Variants in ANKRD31 observed in about 807,000 individuals in gnomAD.
The protein encoded by ANKRD31 is ankyrin repeat domain 31.
A neutral mutation model predicts 186.0 loss-of-function variants in ANKRD31; 147 were observed. The ratio of observed to expected loss-of-function variants is 0.79; its 90% CI spans 0.69 to 0.91. The LOEUF (loss-of-function observed/expected upper bound fraction) is 0.91. Ranked by LOEUF, ANKRD31 falls within the 40% of genes least tolerant of loss-of-function variation. ANKRD31 has a pLI of 0.00. For synonymous variants in ANKRD31, 673 were observed against 736.4 expected, an observed-to-expected ratio of 0.91 and a Z score of 1.39; for missense variants, 1,986 against 2,148.8, an observed-to-expected ratio of 0.92 and a Z score of 1.50.
chr5:75,184,150 A>G (rs1033174614), intron 10 of ANKRD31, among the ~76,000 whole-genome samples: 1 of 152,136 alleles, frequency 6.6e-6, no homozygotes, highest in Non-Finnish European at 1.5e-5. Flanking sequence ...CACACTGGGG[A>G]AAAAACAGCC....
chr5:75,134,718 AAG>A (rs1394008213), intron 17 of ANKRD31, among the ~76,000 whole-genome samples: 1 of 152,188 alleles, frequency 6.6e-6, no homozygotes, highest in Admixed American at 6.5e-5. Flanking sequence ...ACAACAAAAA[AAG>A]AGAATTTTGG....
intron 19 of ANKRD31, among the ~76,000 whole-genome samples, chr5:75,116,129 A>T (rs985099580): frequency 1.3e-5 from 2 of 151,130 alleles, no homozygotes; most frequent in Non-Finnish European, 2.9e-5. Context: ...TGAAATTGGA[A>T]ATCATCATTC....
intron 9 of ANKRD31, among the ~76,000 whole-genome samples, chr5:75,190,450 T>C (rs1755029187): frequency 6.6e-6 from 1 of 152,200 alleles, no homozygotes; most frequent in African/African-American, 2.4e-5. Context: ...TTTCCTCATC[T>C]TTAATTTTTT....
At position 75,080,670 on chromosome 5, in the gene ANKRD31, T is replaced by C. The variant is rs887672584; in HGVS notation, c.5576-31A>G. ...AGTGAAACAAAACGTTAGTAATAAT[T>C]TTGCTGAATTAGGGGACTGCTCTGG... On this transcript the variant is annotated intron_variant, in intron 24 of 25. Coordinates refer to ENST00000506364, the MANE Select transcript of ANKRD31 (RefSeq NM_001372053.1). 4.7e-6 allele frequency: 7 copies of C among 1,491,110 alleles called. No homozygotes were observed. In the African/African-American group the frequency reaches 9.8e-5, roughly 21 times the overall value. The allele number at this position is 1,491,110 out of a possible 1,614,324, so 92.4% of individuals were successfully genotyped here.
intron 1 of ANKRD31, among the ~76,000 whole-genome samples, chr5:75,236,059 T>C (rs1758253821): frequency 6.6e-6 from 1 of 152,174 alleles, no homozygotes; most frequent in Non-Finnish European, 1.5e-5. Context: ...TTTCCCTGTG[T>C]CTAGCACAGA....
At chr5:75,189,225 A>C (rs779184749) in intron 9 of ANKRD31, among the ~76,000 whole-genome samples, 11 of 152,210 alleles carry the variant, frequency 7.2e-5, no homozygotes, top group Non-Finnish European at 1.6e-4. Flanking sequence ...ACTAAGCCAG[A>C]AATGCACGAT....
chr5:75,100,550 G>A (rs1347418076), intron 22 of ANKRD31, among the ~76,000 whole-genome samples: 1 of 152,060 alleles, frequency 6.6e-6, no homozygotes, highest in Non-Finnish European at 1.5e-5. Context: ...ATTATTGTGT[G>A]GGGGTCTAAG....
At chr5:75,144,909 C>T (rs181499261) in intron 14 of ANKRD31, among the ~76,000 whole-genome samples, 72 of 151,984 alleles carry the variant, frequency 4.7e-4, no homozygotes, top group Non-Finnish European at 8.8e-4. Flanking sequence ...AACAAATAAC[C>T]CCATCAAAAA....
chr5:75,154,408 T>C, intron 11 of ANKRD31, 63 bp from the exon 12 acceptor site: 4 of 1,357,664 alleles, frequency 2.9e-6, no homozygotes, highest in Non-Finnish European at 2.9e-6. Flanking sequence ...GAATGTGTGC[T>C]AGCAGACTAC....
chr5:75,077,301 C>T (rs1034360585), intron 25 of ANKRD31, among the ~76,000 whole-genome samples: 8 of 152,128 alleles, frequency 5.3e-5, no homozygotes, highest in African/African-American at 1.9e-4. Flanking sequence ...AAACCCCTGG[C>T]CCCAAGCAGT....
chr5:75,203,241 G>A (rs1755927838), intron 5 of ANKRD31, among the ~76,000 whole-genome samples: 1 of 152,208 alleles, frequency 6.6e-6, no homozygotes, highest in Admixed American at 6.5e-5. Context: ...GGCCAAATGG[G>A]CAGGAGGTTG....
intron 17 of ANKRD31, among the ~76,000 whole-genome samples, chr5:75,132,862 C>T (rs1236634040): frequency 6.6e-6 from 1 of 152,118 alleles, no homozygotes; most frequent in Non-Finnish European, 1.5e-5. Flanking sequence ...GGCCAATATT[C>T]AACATTCTTA....
At chr5:75,132,252 A>G (rs1173461224) in intron 17 of ANKRD31, among the ~76,000 whole-genome samples, 2 of 152,236 alleles carry the variant, frequency 1.3e-5, no homozygotes, top group African/African-American at 4.8e-5. Context: ...CTCATCGCAA[A>G]GAACCTAAAA....
intron 11 of ANKRD31, among the ~76,000 whole-genome samples, chr5:75,163,703 A>G (rs560630584): frequency 3.9e-5 from 6 of 152,202 alleles, no homozygotes; most frequent in Non-Finnish European, 5.9e-5. Flanking sequence ...TTCTTATGTA[A>G]GAAAGTCAGC....
chr5:75,209,783 C>T (rs778970352), intron 4 of ANKRD31, among the ~76,000 whole-genome samples: 3 of 152,148 alleles, frequency 2.0e-5, no homozygotes, highest in Non-Finnish European at 2.9e-5. Flanking sequence ...AAGGTGGAGA[C>T]TTACTAAAAT....
intron 16 of ANKRD31, among the ~76,000 whole-genome samples, chr5:75,138,482 G>C (rs1341184376): frequency 6.6e-6 from 1 of 152,064 alleles, no homozygotes. Context: ...AGAGAAAAAG[G>C]AACAGTATAA....
chr5:75,147,308 A>G lies in ANKRD31; in HGVS notation c.2103T>C (p.Leu701=). 2.6e-6 allele frequency: 4 copies of G among 1,534,596 alleles called. No homozygotes were observed. In the South Asian group the frequency reaches 4.8e-5, roughly 18 times the overall value. The change falls in exon 14 of 26, where the codon CTT becomes CTC. Residue 701 remains leucine (L), a synonymous_variant. Transcript: ENST00000506364. The stretch of plus-strand genomic sequence containing the variant: ...TGAGTCCTGTAGAGTATATCTGGTC[A>G]AGAGTTGATTGTTTATGCTTGGATT... ...FGKSKHKQST[L]DQIYSTGLRK... is the part of the protein sequence containing the mutation.
intron 17 of ANKRD31, among the ~76,000 whole-genome samples, chr5:75,133,920 G>C (rs7297516): frequency 2.6e-5 from 4 of 152,060 alleles, no homozygotes; most frequent in African/African-American, 9.7e-5. Context: ...TGACTACTGG[G>C]TACATAACGA....
intron 11 of ANKRD31, among the ~76,000 whole-genome samples, chr5:75,155,364 C>G (rs1480557119): frequency 6.6e-6 from 1 of 152,048 alleles, no homozygotes; most frequent in African/African-American, 2.4e-5. Context: ...TTTCCTCCAC[C>G]CTCCTAACAA....
Sources: gnomAD v4.1 joint callset for allele counts (sites outside exome capture counted in the v4.1 genomes callset) on GRCh38, gnomAD v4.1.1 for gene constraint, MANE v1.5 for transcripts, NCBI Gene and HGNC (gene_info 2026-07-23, HGNC 2026-07-21) for gene names.